The following MTSS1 variants were observed in gnomAD, a reference collection of about 807,000 sequenced individuals.
MTSS1 encodes MTSS I-BAR domain containing 1.
In MTSS1, 18 loss-of-function variants were observed where a neutral mutation model predicts 79.0. The observed-to-expected ratio is 0.23, with a 90% confidence interval of 0.16 to 0.34. The LOEUF is 0.34. MTSS1 is among the 10% of genes least tolerant of loss of function. The pLI is 1.00. For missense variants in MTSS1, 815 were observed against 986.2 expected (o/e 0.83, Z 2.33); for synonymous variants, 341 against 368.6 (o/e 0.93, Z 0.86).
rs1230255297 is a variant in MTSS1, at chr8:124,727,526, C to A, written c.72+358G>T. 1 of 473,546 alleles carries A rather than the reference C, an allele frequency of 2.1e-6. No homozygotes were observed. The highest frequency in any genetic ancestry group is 2.3e-5 in the Admixed American group (1 of 42,924). 29.3% of individuals were successfully genotyped at this position (473,546 alleles called of 1,614,324 possible). ...TGCCCGGAGGAATCAGGTGTCCTCC[C>A]GGGCATCCAGCCCCCGCGGGTCCCA... On this transcript the variant is annotated intron_variant, in intron 1 of 13. Transcript: ENST00000518547. This position sits in a 1 kb window ranked among gnomAD's most constrained non-coding sequence, Gnocchi z 4.7.
intron 13 of MTSS1, among the ~76,000 whole-genome samples, chr8:124,555,432 G>A (rs1823422352): frequency 6.6e-6 from 1 of 152,128 alleles, no homozygotes; most frequent in African/African-American, 2.4e-5. Context: ...ATTTTTAGTA[G>A]AGATGGGGTT....
In MTSS1 at chr8:124,727,532, T is replaced by C. The variant is rs984605394; in HGVS notation, c.72+352A>G. Reference sequence around the variant, plus strand: ...GAGGAATCAGGTGTCCTCCCGGGCATCCAGCCCCCGCGGGTCCCAGACACT... The same window carrying C: ...GAGGAATCAGGTGTCCTCCCGGGCACCCAGCCCCCGCGGGTCCCAGACACT... On this transcript the variant is annotated intron_variant, in intron 1 of 13. Coordinates refer to ENST00000518547, the MANE Select transcript of MTSS1 (RefSeq NM_014751.6). The surrounding 1 kb of genome is among the most constrained non-coding windows in gnomAD (Gnocchi z 4.7). 1 of 476,068 alleles carries C rather than the reference T, an allele frequency of 2.1e-6. No homozygotes were observed. The highest frequency in any genetic ancestry group is 2.0e-5 in the African/African-American group (1 of 50,728). 29.5% of individuals were successfully genotyped at this position (476,068 alleles called of 1,614,324 possible).
chr8:124,629,440 C>G (rs71516751), intron 3 of MTSS1, among the ~76,000 whole-genome samples: 5,842 of 145,950 alleles, frequency 0.04, 150 homozygotes, highest in Middle Eastern at 0.089. Flanking sequence ...TGGCGTTAAC[C>G]CAGAGGTGGA....
chr8:124,622,560 C>A (rs1484117708), intron 3 of MTSS1, among the ~76,000 whole-genome samples: 1 of 151,052 alleles, frequency 6.6e-6, no homozygotes, highest in Non-Finnish European at 1.5e-5. Context: ...TCTTGGAGGC[C>A]AAGGCAGGCG....
intron 1 of MTSS1, among the ~76,000 whole-genome samples, chr8:124,721,597 A>G (rs1257858204): frequency 6.6e-6 from 1 of 151,866 alleles, no homozygotes; most frequent in East Asian, 1.9e-4. Context: ...TTTTGCAGAG[A>G]TGGGGTTTCA....
intron 1 of MTSS1, among the ~76,000 whole-genome samples, chr8:124,716,600 C>T (rs746374922): frequency 6.6e-6 from 1 of 152,180 alleles, no homozygotes; most frequent in Non-Finnish European, 1.5e-5. Context: ...GCCCCACCCC[C>T]AGATCAACAA....
intron 1 of MTSS1, among the ~76,000 whole-genome samples, chr8:124,712,269 G>A (rs1005257752): frequency 2.0e-5 from 3 of 152,184 alleles, no homozygotes; most frequent in African/African-American, 7.2e-5. Flanking sequence ...CAGGTCTGCG[G>A]AGACCTCAGC....
intron 13 of MTSS1, 104 bp downstream of exon 13, chr8:124,555,638 A>G (rs76974812): frequency 0.01 from 13,524 of 1,291,762 alleles, 83 homozygotes; most frequent in Non-Finnish European, 0.013. Flanking sequence ...GACACCTGTT[A>G]GTTAGCGAGT....
intron 9 of MTSS1, among the ~76,000 whole-genome samples, chr8:124,565,432 G>C (rs1826186211): frequency 6.6e-6 from 1 of 152,180 alleles, no homozygotes; most frequent in Non-Finnish European, 1.5e-5. Flanking sequence ...AAGTGAGAGA[G>C]AATAAGCTAC....
intron 3 of MTSS1, among the ~76,000 whole-genome samples, chr8:124,615,563 G>T (rs946220607): frequency 6.6e-6 from 1 of 152,142 alleles, no homozygotes; most frequent in African/African-American, 2.4e-5. Context: ...TCAGGCACTG[G>T]GGGGAAGGGG....
chr8:124,670,790 A>G (rs1404074994), intron 3 of MTSS1, among the ~76,000 whole-genome samples: 2 of 152,166 alleles, frequency 1.3e-5, no homozygotes, highest in Non-Finnish European at 2.9e-5. Flanking sequence ...CAAAGTGGTT[A>G]AAGAGGAAAA....
At chr8:124,607,223 G>A (rs564299947) in intron 3 of MTSS1, among the ~76,000 whole-genome samples, 1 of 152,276 alleles carries the variant, frequency 6.6e-6, no homozygotes, top group African/African-American at 2.4e-5. Flanking sequence ...CACCTTTACT[G>A]AGTTAAAGTT....
chr8:124,648,880 G>A (rs932980751), intron 3 of MTSS1, among the ~76,000 whole-genome samples: 2 of 152,126 alleles, frequency 1.3e-5, no homozygotes, highest in Non-Finnish European at 2.9e-5. Flanking sequence ...TGCACTCATC[G>A]AGTACTATGG....
At chr8:124,684,911 G>T (rs1826709359) in intron 3 of MTSS1, among the ~76,000 whole-genome samples, 1 of 152,168 alleles carries the variant, frequency 6.6e-6, no homozygotes, top group African/African-American at 2.4e-5. Flanking sequence ...CAAAGAAGAT[G>T]TATTTGGCCC....
chr8:124,600,538 CACTGGTTACAT>C (rs1833613057), intron 3 of MTSS1, among the ~76,000 whole-genome samples: 5 of 152,146 alleles, frequency 3.3e-5, no homozygotes, highest in African/African-American at 1.2e-4. Flanking sequence ...AAATAAGGAG[CACTGGTTACAT>C]CAGTGCTCCC....
chr8:124,655,542 T>G (rs975979480), intron 3 of MTSS1, among the ~76,000 whole-genome samples: 9 of 152,210 alleles, frequency 5.9e-5, no homozygotes, highest in African/African-American at 1.9e-4. Context: ...CACCACGCCA[T>G]GCGCAGGAGC....
chr8:124,558,028 T>G (rs1824393006), intron 10 of MTSS1, 153 bp from the exon 11 acceptor site: 2 of 628,342 alleles, frequency 3.2e-6, no homozygotes, highest in Non-Finnish European at 5.4e-6. Context: ...TCACGGATGA[T>G]CTGTGATGCA....
chr8:124,713,921 T>C (rs67765269), intron 1 of MTSS1, among the ~76,000 whole-genome samples: 20,534 of 151,860 alleles, frequency 0.14, 1,501 homozygotes, highest in African/African-American at 0.19. Context: ...CTAATTTTTG[T>C]ATTTTTAGTA....
Position 124,681,259 on chromosome 8 carries a change from G to C in MTSS1, c.208+18267C>G, listed in dbSNP as rs535765469. On this transcript the variant is annotated intron_variant, in intron 3 of 13. Coordinates refer to ENST00000518547, the MANE Select transcript of MTSS1 (RefSeq NM_014751.6). ...ACTCAAGTAACAAATCTTCCACTCA[G>C]CATCCCAGCGGCAGAGAGAAATGCC... 9.8e-4 allele frequency among the ~76,000 whole-genome samples: 147 copies of C among 150,244 alleles called. 1 individual carries two copies. The highest frequency in any genetic ancestry group is 3.1e-3 in the Admixed American group (47 of 15,116).
Sources: gnomAD v4.1 joint callset for allele counts (sites outside exome capture counted in the v4.1 genomes callset) on GRCh38, gnomAD v4.1.1 for gene constraint, Gnocchi (gnomAD v3.1) non-coding constraint, MANE v1.5 for transcripts, NCBI Gene and HGNC (gene_info 2026-07-23, HGNC 2026-07-21) for gene names.